C10orf90: variants seen among roughly 807,000 people sequenced by gnomAD.
The protein encoded by C10orf90 is (E2-independent) E3 ubiquitin-conjugating enzyme FATS.
Under a neutral mutation model 62.5 loss-of-function variants are expected in C10orf90, and 56 were observed. The observed-to-expected ratio is 0.90, with a 90% confidence interval of 0.72 to 1.12. The LOEUF is 1.12. Ranked by LOEUF, C10orf90 falls within the 50% of genes most tolerant of loss-of-function variation. The pLI, the probability that C10orf90 is intolerant of heterozygous loss-of-function variation, is 0.00. For missense variants in C10orf90, 970 were observed against 880.4 expected, an observed-to-expected ratio of 1.10 and a Z score of -1.29; for synonymous variants, 386 against 340.4, an observed-to-expected ratio of 1.13 and a Z score of -1.47.
At chr10:126,618,473 G>A (rs1323196307) in intron 2 of C10orf90, among the ~76,000 whole-genome samples, 1 of 152,040 alleles carries the variant, frequency 6.6e-6, no homozygotes, top group Non-Finnish European at 1.5e-5. Context: ...TTTCTGCCTG[G>A]CCAAACTCTG....
At chr10:126,600,181 G>C in intron 2 of C10orf90, among the ~76,000 whole-genome samples, 1 of 152,050 alleles carries the variant, frequency 6.6e-6, no homozygotes, top group East Asian at 1.9e-4. Flanking sequence ...GTGTGCACAC[G>C]TGTGTGTGCA....
intron 2 of C10orf90, among the ~76,000 whole-genome samples, chr10:126,532,093 T>C (rs1159355157): frequency 2.6e-5 from 4 of 152,190 alleles, no homozygotes; most frequent in Admixed American, 1.3e-4. Flanking sequence ...TCCCCGATCA[T>C]ATACAACTTA....
intron 7 of C10orf90, among the ~76,000 whole-genome samples, chr10:126,441,701 C>G (rs905126582): frequency 1.3e-5 from 2 of 152,152 alleles, no homozygotes; most frequent in African/African-American, 4.8e-5. Flanking sequence ...AGAAACCCTA[C>G]AGCCTAGAAG....
At chr10:126,431,814 C>A (rs1467469100) in intron 7 of C10orf90, among the ~76,000 whole-genome samples, 1 of 151,750 alleles carries the variant, frequency 6.6e-6, no homozygotes, top group African/African-American at 2.4e-5. Context: ...CAGTTTGTTT[C>A]TTTAGAGCAC....
chr10:126,540,726 A>G (rs1411488307), intron 2 of C10orf90, among the ~76,000 whole-genome samples: 1 of 151,848 alleles, frequency 6.6e-6, no homozygotes, highest in African/African-American at 2.4e-5. Context: ...AGAGAGGACT[A>G]CTGCCATACT....
At chr10:126,484,343 C>A (rs756131435) in intron 4 of C10orf90, among the ~76,000 whole-genome samples, 2 of 152,076 alleles carry the variant, frequency 1.3e-5, no homozygotes, top group Non-Finnish European at 2.9e-5. Context: ...GGTCCCTATA[C>A]ACCGACTCAA....
intron 2 of C10orf90, among the ~76,000 whole-genome samples, chr10:126,573,123 C>A (rs1162086934): frequency 6.6e-6 from 1 of 152,144 alleles, no homozygotes; most frequent in Admixed American, 6.5e-5. Context: ...AAACCGAGCT[C>A]CCCAAGTGAG....
At chr10:126,567,279 C>A (rs916372890) in intron 2 of C10orf90, among the ~76,000 whole-genome samples, 1 of 152,122 alleles carries the variant, frequency 6.6e-6, no homozygotes, top group African/African-American at 2.4e-5. Flanking sequence ...GAAGGGCAAG[C>A]AGGCATGTCT....
intron 2 of C10orf90, among the ~76,000 whole-genome samples, chr10:126,518,432 A>C (rs1863559010): frequency 6.6e-6 from 1 of 152,092 alleles, no homozygotes; most frequent in African/African-American, 2.4e-5. Flanking sequence ...AGAGAATCAT[A>C]ATGCTTTGAT....
At chr10:126,526,121 C>A (rs1037368184) in intron 2 of C10orf90, among the ~76,000 whole-genome samples, 19 of 151,944 alleles carry the variant, frequency 1.3e-4, no homozygotes, top group African/African-American at 4.4e-4. Context: ...TAGGAAGTCA[C>A]AAAGTCAGGC....
chr10:126,505,098 A>G lies in C10orf90; in HGVS notation c.406-13T>C, dbSNP rs773224451. 3 of 1,592,162 alleles carry G rather than the reference A, an allele frequency of 1.9e-6. No individual in the cohort carries two copies. Among genetic ancestry groups the G allele is most frequent in the South Asian group, 1.1e-5 (1 of 87,946 alleles). ...ATGCCAGGGTCTCCTGCAAATAGAA[A>G]AAGATCCCGATTATTCAAGCAGTCT... On this transcript the variant is annotated splice_polypyrimidine_tract_variant and intron_variant, in intron 3 of 9. Coordinates refer to ENST00000488181, the MANE Select transcript of C10orf90 (RefSeq NM_001350921.2).
Position 126,456,293 on chromosome 10 carries a change from G to GA in C10orf90, c.2188+2746dup, listed in dbSNP as rs1859570108. 6.6e-6 allele frequency among the ~76,000 whole-genome samples: 1 copy of GA among 152,028 alleles called. No homozygotes were observed. The highest frequency in any genetic ancestry group is 2.1e-4 in the South Asian group (1 of 4,822). On this transcript the variant is annotated intron_variant, in intron 7 of 9. Coordinates refer to ENST00000488181, the MANE Select transcript of C10orf90 (RefSeq NM_001350921.2). This position sits in a 1 kb window ranked among gnomAD's most constrained non-coding sequence, Gnocchi z 4.9. ...CTGATTTCACTGACCTAACACAAAC[G>GA]AACCCAAAAGTAAAGCTCTCATCGA...
chr10:126,450,119 T>C (rs1859077934), intron 7 of C10orf90, among the ~76,000 whole-genome samples: 1 of 151,886 alleles, frequency 6.6e-6, no homozygotes, highest in Non-Finnish European at 1.5e-5. Context: ...TAAATTTAAC[T>C]GAGGAAGTGA....
rs754368196 is a variant in C10orf90, at chr10:126,504,955, T to G, written c.536A>C (p.His179Pro). The G allele has an allele frequency of 6.2e-7, 1 of 1,614,232 alleles. No homozygotes were observed. Among genetic ancestry groups the G allele is most frequent in the Admixed American group, 1.7e-5 (1 of 60,028 alleles). ...LPCAIAQSRAHHAKQSLANRS... is the reference protein window; with the variant it reads ...LPCAIAQSRAPHAKQSLANRS... ...GTTAGCCAGAGATTGCTTGGCGTGA[T>G]GTGCACGAGACTGAGCAATGGCACA... is the stretch of plus-strand genomic sequence containing the variant. Residue 179 changes from histidine (H) to proline (P), a missense_variant, in exon 4 of 10, where the codon CAT (histidine) becomes CCT (proline). Transcript: ENST00000488181. This position sits in a 1 kb window ranked among gnomAD's most constrained non-coding sequence, Gnocchi z 4.1.
chr10:126,668,227 T>C (rs1846672311), intron 1 of C10orf90, among the ~76,000 whole-genome samples: 1 of 152,238 alleles, frequency 6.6e-6, no homozygotes, highest in Non-Finnish European at 1.5e-5. Flanking sequence ...AACTCACTTT[T>C]GCCAGATAAC....
intron 4 of C10orf90, among the ~76,000 whole-genome samples, chr10:126,481,771 C>T (rs1360129452): frequency 6.6e-6 from 1 of 152,164 alleles, no homozygotes; most frequent in Non-Finnish European, 1.5e-5. Flanking sequence ...AACTAGAATG[C>T]CTTGTTCCAA....
At chr10:126,442,182 A>T (rs1219538472) in intron 7 of C10orf90, among the ~76,000 whole-genome samples, 2 of 151,936 alleles carry the variant, frequency 1.3e-5, no homozygotes, top group Non-Finnish European at 2.9e-5. Flanking sequence ...ATAAGGACTC[A>T]CATAAACTTA....
intron 2 of C10orf90, among the ~76,000 whole-genome samples, chr10:126,615,054 G>A (rs970942857): frequency 6.6e-6 from 1 of 152,132 alleles, no homozygotes; most frequent in East Asian, 1.9e-4. Flanking sequence ...CTGGGTCCTC[G>A]GCTGGGATGC....
intron 1 of C10orf90, among the ~76,000 whole-genome samples, chr10:126,666,879 C>T (rs1846639363): frequency 6.6e-6 from 1 of 150,966 alleles, no homozygotes; most frequent in Non-Finnish European, 1.5e-5. Flanking sequence ...ACTCAGGAGG[C>T]TGAGGCAGGA....
Sources: allele counts gnomAD v4.1 joint callset (sites outside exome capture counted in the v4.1 genomes callset), GRCh38; gene constraint gnomAD v4.1.1; non-coding constraint Gnocchi (gnomAD v3.1); transcripts MANE v1.5; gene names NCBI Gene and HGNC (gene_info 2026-07-23, HGNC 2026-07-21).